Variants in GRIP1 observed in about 807,000 individuals in gnomAD.
The protein encoded by GRIP1 is glutamate receptor interacting protein 1.
Under a neutral mutation model 129.9 loss-of-function variants are expected in GRIP1, and 45 were observed. The observed-to-expected ratio is 0.35, with a 90% CI of 0.27 to 0.44. The LOEUF (loss-of-function observed/expected upper bound fraction) is 0.44, where lower values mean the gene tolerates loss of function less well. Among genes scored for constraint, GRIP1 ranks in the 20% least tolerant of loss-of-function variants. The probability of loss-of-function intolerance (pLI) is 1.00; values close to 1 mark genes in which losing one functional copy is unlikely to be tolerated. For synonymous variants in GRIP1, 530 were observed against 520.8 expected (o/e 1.02, Z -0.24); for missense variants, 1,196 against 1,396.8 (o/e 0.86, Z 2.29).
intron 1 of GRIP1, among the ~76,000 whole-genome samples, chr12:66,961,535 G>A (rs2041921271): frequency 6.6e-6 from 1 of 152,092 alleles, no homozygotes; most frequent in African/African-American, 2.4e-5. Context: ...TACAAAAACC[G>A]GTTTAACCTG....
At chr12:66,958,755 T>C (rs1255525362) in intron 1 of GRIP1, among the ~76,000 whole-genome samples, 2 of 152,200 alleles carry the variant, frequency 1.3e-5, no homozygotes, top group African/African-American at 4.8e-5. Context: ...TTATAAACAA[T>C]ACTGAGATAA....
chr12:66,971,924 G>A (rs1175692594), intron 1 of GRIP1, among the ~76,000 whole-genome samples: 2 of 152,208 alleles, frequency 1.3e-5, no homozygotes, highest in Non-Finnish European at 2.9e-5. Flanking sequence ...TGGCTGCAGT[G>A]TAGTTTTCAC....
intron 1 of GRIP1, among the ~76,000 whole-genome samples, chr12:66,983,810 G>A (rs1457615128): frequency 1.3e-5 from 2 of 152,112 alleles, no homozygotes; most frequent in Non-Finnish European, 2.9e-5. Context: ...ATTGCCCTTG[G>A]CTGCTGAGAC....
intron 19 of GRIP1, among the ~76,000 whole-genome samples, chr12:66,389,246 T>C (rs537485126): frequency 2.0e-4 from 30 of 152,348 alleles, no homozygotes; most frequent in African/African-American, 7.2e-4. Flanking sequence ...TAATTTTTTT[T>C]GAGACGTAGT....
chr12:66,633,293 A>G (rs1030179669), intron 1 of GRIP1, among the ~76,000 whole-genome samples: 2 of 134,408 alleles, frequency 1.5e-5, no homozygotes, highest in Non-Finnish European at 3.2e-5. Flanking sequence ...ATTATACTAT[A>G]CCATACTACA....
chr12:66,838,187 TAA>T (rs56259335), intron 1 of GRIP1, among the ~76,000 whole-genome samples: 8 of 137,466 alleles, frequency 5.8e-5, no homozygotes, highest in Admixed American at 2.2e-4. Flanking sequence ...AGACTCCACC[TAA>T]AAAAAAAAAA....
chr12:66,589,199 T>TCTCTCC (rs2063758497), intron 2 of GRIP1, among the ~76,000 whole-genome samples: 1 of 127,214 alleles, frequency 7.9e-6, no homozygotes, highest in African/African-American at 2.9e-5. Context: ...CCACCTTCTC[T>TCTCTCC]CTCTCTCTCT....
intron 1 of GRIP1, among the ~76,000 whole-genome samples, chr12:66,775,203 G>A (rs1483007608): frequency 6.6e-6 from 1 of 152,172 alleles, no homozygotes; most frequent in Non-Finnish European, 1.5e-5. Flanking sequence ...GGAGGAGAGA[G>A]AATAGGAAGA....
chr12:66,472,631 A>T (rs1266727006), intron 7 of GRIP1, among the ~76,000 whole-genome samples: 1 of 152,156 alleles, frequency 6.6e-6, no homozygotes, highest in Admixed American at 6.5e-5. Context: ...TACATGGCTT[A>T]TCTCACTGGG....
intron 1 of GRIP1, among the ~76,000 whole-genome samples, chr12:66,911,736 A>G (rs566107131): frequency 8.5e-4 from 129 of 152,290 alleles, no homozygotes; most frequent in African/African-American, 3.0e-3. Context: ...GAAAATATAG[A>G]GGGTGTCCAA....
chr12:66,485,631 C>T (rs1265602837), intron 7 of GRIP1, among the ~76,000 whole-genome samples: 1 of 151,730 alleles, frequency 6.6e-6, no homozygotes, highest in Non-Finnish European at 1.5e-5. Context: ...GAAATCTTTG[C>T]TTACTATAAA....
At chr12:66,860,512 T>C (rs2040093453) in intron 1 of GRIP1, among the ~76,000 whole-genome samples, 1 of 152,068 alleles carries the variant, frequency 6.6e-6, no homozygotes, top group Non-Finnish European at 1.5e-5. Context: ...GAAATCCTTT[T>C]TGCTGGATTG....
intron 1 of GRIP1, among the ~76,000 whole-genome samples, chr12:66,881,613 T>C (rs1265645739): frequency 6.6e-6 from 1 of 152,056 alleles, no homozygotes; most frequent in Non-Finnish European, 1.5e-5. Context: ...AATCCAAGGA[T>C]TGCAGAAATG....
intron 1 of GRIP1, among the ~76,000 whole-genome samples, chr12:66,691,767 TTCTC>T (rs1340065369): frequency 6.6e-6 from 1 of 152,170 alleles, no homozygotes; most frequent in Non-Finnish European, 1.5e-5. Flanking sequence ...CTTCCATAGA[TTCTC>T]TCTCTTAACT....
chr12:66,412,939 G>A (rs2057455067), intron 15 of GRIP1, among the ~76,000 whole-genome samples: 1 of 152,028 alleles, frequency 6.6e-6, no homozygotes, highest in Admixed American at 6.6e-5. Context: ...CCTAATACAG[G>A]AGCACCCAGA....
At chr12:66,954,856 T>C (rs574860895) in intron 1 of GRIP1, among the ~76,000 whole-genome samples, 1 of 151,256 alleles carries the variant, frequency 6.6e-6, no homozygotes, top group South Asian at 2.1e-4. Flanking sequence ...GGGGAGGCAG[T>C]GGGGGTGCAA....
intron 1 of GRIP1, among the ~76,000 whole-genome samples, chr12:66,974,622 T>C (rs927858293): frequency 2.0e-5 from 3 of 152,172 alleles, no homozygotes; most frequent in African/African-American, 7.2e-5. Flanking sequence ...AAATAAGATA[T>C]AAAAATAAAA....
chr12:66,615,103 G>A (rs544522219), intron 1 of GRIP1, among the ~76,000 whole-genome samples: 2 of 152,244 alleles, frequency 1.3e-5, no homozygotes, highest in South Asian at 2.1e-4. Flanking sequence ...CTCCATAAGA[G>A]CAGGAGTCTT....
In GRIP1 at chr12:66,515,715, G is replaced by A. The variant is rs1387921273; in HGVS notation, c.628C>T (p.Arg210Trp). The change falls in exon 7 of 25, where the codon CGG becomes TGG. Residue 210 changes from arginine to tryptophan, a missense_variant. Arg to Trp is a moderately radical substitution (Grantham distance 101, BLOSUM62 -3). Coordinates refer to ENST00000359742, the MANE Select transcript of GRIP1 (RefSeq NM_001366722.1). ...TCAGCATGCGTAGTTCCAAGAAGCC[G>A]AATTCCATCCACACTGAGCAACCTG... is the stretch of plus-strand genomic sequence containing the variant. The part of the protein sequence containing the change: ...GDRLLSVDGI[R>W]LLGTTHAEAM... 1.1e-5 allele frequency: 17 copies of A among 1,613,320 alleles called. No homozygotes were observed. Among genetic ancestry groups the A allele is most frequent in the Admixed American group, 5.0e-5 (3 of 59,958 alleles).
Sources: gnomAD v4.1 joint callset for allele counts (sites outside exome capture counted in the v4.1 genomes callset) on GRCh38, gnomAD v4.1.1 for gene constraint, MANE v1.5 for transcripts, NCBI Gene and HGNC (gene_info 2026-07-23, HGNC 2026-07-21) for gene names.